ST3GAL2: variants seen among roughly 807,000 people sequenced by gnomAD.
ST3GAL2 encodes the protein ST3 beta-galactoside alpha-2,3-sialyltransferase 2.
ST3GAL2 carries 16 observed loss-of-function variants against 37.5 expected under a neutral mutation model. That is an observed-to-expected ratio of 0.43 (90% CI 0.29 to 0.65). The LOEUF (loss-of-function observed/expected upper bound fraction) is 0.65. Ranked by LOEUF, ST3GAL2 falls within the 30% of genes least tolerant of loss-of-function variation. ST3GAL2 has a pLI of 0.17. For missense variants in ST3GAL2, 383 were observed against 487.8 expected (o/e 0.79, Z 2.02); for synonymous variants, 238 against 202.9 (o/e 1.17, Z -1.47).
intron 1 of ST3GAL2, among the ~76,000 whole-genome samples, chr16:70,426,888 C>T (rs2047755637): frequency 6.6e-6 from 1 of 152,172 alleles, no homozygotes; most frequent in South Asian, 2.1e-4. Context: ...CGCTCTGTCG[C>T]TCAGGCTGGA....
chr16:70,382,710 A>G, intron 6 of ST3GAL2, 95 bp downstream of exon 6: 2 of 1,569,772 alleles, frequency 1.3e-6, no homozygotes, highest in Non-Finnish European at 1.7e-6. Flanking sequence ...TTCTGCCTAC[A>G]GAAGCACATT....
In ST3GAL2 at chr16:70,399,296, G is replaced by C. The variant is rs548061376; in HGVS notation, c.-766C>G. On this transcript the variant is annotated 5_prime_UTR_variant, in exon 2 of 7. Coordinates refer to ENST00000342907, the MANE Select transcript of ST3GAL2 (RefSeq NM_006927.4). ...TCGCAAAGCTCCTACTGTGGCTGTG[G>C]GGTCCTCTGGCGCTGGGAACAGCTG... 5.0e-6 allele frequency: 2 copies of C among 398,830 alleles called. No homozygotes were observed. The highest frequency in any genetic ancestry group is 8.8e-6 in the Non-Finnish European group (2 of 226,254). 24.7% of individuals were successfully genotyped at this position (398,830 alleles called of 1,614,324 possible).
In ST3GAL2 at chr16:70,408,890, C is replaced by CAAAAAAAAAAAAAAAAAAA. The variant is rs59060353; in HGVS notation, c.-1003-9376_-1003-9358dup. On this transcript the variant is annotated intron_variant, in intron 1 of 6. Transcript: ENST00000342907. ...TCCTGTAGGAGACAGCTCAAAGAAA[C>CAAAAAAAAAAAAAAAAAAA]AAAAAAAAAAAAAAAAAAAAAAAAA... Among the ~76,000 whole-genome samples, 266 of 59,852 alleles carry CAAAAAAAAAAAAAAAAAAA rather than the reference C, an allele frequency of 4.4e-3. 33 individuals are homozygous for CAAAAAAAAAAAAAAAAAAA. Among genetic ancestry groups the CAAAAAAAAAAAAAAAAAAA allele is most frequent in the Non-Finnish European group, 6.4e-3 (180 of 28,202 alleles). 39.3% of individuals were successfully genotyped at this position (59,852 alleles called of 152,430 possible).
rs143856346 is a variant in ST3GAL2 at position 70,382,756 on chromosome 16, ACTC to A, written c.879+46_879+48del. The A allele has an allele frequency of 1.5e-4, 235 of 1,611,596 alleles. No homozygotes were observed. In the African/African-American group the frequency reaches 2.8e-3, roughly 19 times the overall value. On this transcript the variant is annotated intron_variant, in intron 6 of 6. Transcript: ENST00000342907. The stretch of plus-strand genomic sequence containing the variant: ...CCTGCTAAGACCCGAGAAGGCCTGC[ACTC>A]CTCTGTTCCATGGGTTCCCACCACC...
intron 3 of ST3GAL2, 99 bp downstream of exon 3, chr16:70,394,883 G>A: frequency 7.3e-7 from 1 of 1,374,056 alleles, no homozygotes; most frequent in South Asian, 1.3e-5. Flanking sequence ...CAGCACACCG[G>A]TAGCTGGCAG....
intron 1 of ST3GAL2, among the ~76,000 whole-genome samples, chr16:70,431,852 T>C (rs1451614117): frequency 6.6e-6 from 1 of 151,780 alleles, no homozygotes; most frequent in Non-Finnish European, 1.5e-5. Flanking sequence ...TAGTCCCAGC[T>C]ACTCGGGAGG....
chr16:70,433,955 G>A (rs1406893555), intron 1 of ST3GAL2, among the ~76,000 whole-genome samples: 2 of 152,152 alleles, frequency 1.3e-5, no homozygotes, highest in East Asian at 3.9e-4. Flanking sequence ...GCACTGCTTG[G>A]AAACCTACCC....
chr16:70,382,773 G>A (rs1033630764), intron 6 of ST3GAL2, 32 bp downstream of exon 6: 6 of 1,613,242 alleles, frequency 3.7e-6, no homozygotes, highest in African/African-American at 1.3e-5. Flanking sequence ...TGTTCCATGG[G>A]TTCCCACCAC....
chr16:70,414,339 CCA>C (rs1375824963), intron 1 of ST3GAL2, among the ~76,000 whole-genome samples: 5 of 152,246 alleles, frequency 3.3e-5, no homozygotes, highest in African/African-American at 1.2e-4. Flanking sequence ...TCATTCCAGT[CCA>C]CAGAGGGATA....
In ST3GAL2 at chr16:70,381,630, C is replaced by G; in HGVS notation, c.*59G>C. On this transcript the variant is annotated 3_prime_UTR_variant, in exon 7 of 7. Transcript: ENST00000342907. ...TGGTCGCGGGTTGCTGGTCCTGGGT[C>G]CCGGGCCGGAGCCCCGGTGCCCGAT... The G allele has an allele frequency of 4.4e-6, 7 of 1,579,742 alleles. No homozygotes were observed. The South Asian group carries it at 6.9e-5, about 16-fold the overall frequency.
At chr16:70,402,027 T>C (rs2047559461) in intron 1 of ST3GAL2, among the ~76,000 whole-genome samples, 1 of 132,950 alleles carries the variant, frequency 7.5e-6, no homozygotes, top group African/African-American at 2.9e-5. Flanking sequence ...AGACCAGGCA[T>C]GGTGGCTTAC....
At chr16:70,437,582 C>A (rs2047834367) in intron 1 of ST3GAL2, among the ~76,000 whole-genome samples, 1 of 151,664 alleles carries the variant, frequency 6.6e-6, no homozygotes, top group Non-Finnish European at 1.5e-5. Context: ...CCTCTCTGAG[C>A]CCTCGTTCCC....
intron 1 of ST3GAL2, among the ~76,000 whole-genome samples, chr16:70,432,975 C>A (rs530114923): frequency 6.6e-6 from 1 of 152,224 alleles, no homozygotes; most frequent in Admixed American, 6.5e-5. Flanking sequence ...GCGGCCCCAC[C>A]GCCTCAGGGC....
rs185060076 is a variant in ST3GAL2 at position 70,376,295 on chromosome 16, G to C, written c.*5394C>G. 2 of 152,366 alleles carry C rather than the reference G, an allele frequency of 1.3e-5. No individual in the cohort carries two copies. The highest frequency in any genetic ancestry group is 3.9e-4 in the East Asian group (2 of 5,194). 9.4% of individuals were successfully genotyped at this position (152,366 alleles called of 1,614,324 possible). ...AAAGGAAAGGCAAAGTCATTTTATA[G>C]CAAGGCCGGATGGAACTGGGCGCCC... On this transcript the variant is annotated 3_prime_UTR_variant, in exon 7 of 7. Transcript: ENST00000342907.
intron 1 of ST3GAL2, among the ~76,000 whole-genome samples, chr16:70,415,295 A>T (rs145444204): frequency 2.0e-5 from 3 of 152,244 alleles, no homozygotes; most frequent in Non-Finnish European, 2.9e-5. Context: ...GCTGACCCTT[A>T]CCGTGAATAC....
rs1165087181 is a variant in ST3GAL2 at position 70,439,043 on chromosome 16, C to T, written c.-1098G>A. On this transcript the variant is annotated 5_prime_UTR_variant, in exon 1 of 7. Transcript: ENST00000342907. The stretch of plus-strand genomic sequence containing the variant: ...GCCGTCGCCGCCGCCGCCGCCGCCG[C>T]CGCCGTCGTCCGGACCCGTTAGCTC... The T allele has an allele frequency of 1.2e-5, 2 of 165,530 alleles. No individual in the cohort carries two copies. Among genetic ancestry groups the T allele is most frequent in the South Asian group, 1.7e-4 (1 of 5,880 alleles). The allele number at this position is 165,530 out of a possible 1,614,324, so 10.3% of individuals were successfully genotyped here.
intron 1 of ST3GAL2, among the ~76,000 whole-genome samples, chr16:70,416,579 G>A (rs941284859): frequency 1.5e-4 from 23 of 152,050 alleles, no homozygotes; most frequent in Admixed American, 1.4e-3. Context: ...TAAGCCCAGG[G>A]CTATAAAAAT....
chr16:70,425,226 C>T (rs2047741823), intron 1 of ST3GAL2, among the ~76,000 whole-genome samples: 2 of 152,058 alleles, frequency 1.3e-5, no homozygotes, highest in Admixed American at 1.3e-4. Context: ...CTTTAGGAGG[C>T]CGAGGTGGAC....
chr16:70,381,989 G>A, intron 6 of ST3GAL2, 127 bp from the exon 7 acceptor site: 2 of 1,226,122 alleles, frequency 1.6e-6, no homozygotes, highest in African/African-American at 1.5e-5. Flanking sequence ...CCCAGGCCTG[G>A]CCTAAGGACA....
Sources: gnomAD v4.1 joint callset for allele counts (sites outside exome capture counted in the v4.1 genomes callset) on GRCh38, gnomAD v4.1.1 for gene constraint, MANE v1.5 for transcripts, NCBI Gene and HGNC (gene_info 2026-07-23, HGNC 2026-07-21) for gene names.